The following UBAC2 variants were observed in gnomAD, a reference collection of about 807,000 sequenced individuals.
UBAC2 encodes UBA domain containing 2.
In UBAC2, 26 loss-of-function variants were observed where a neutral mutation model predicts 44.0. The ratio of observed to expected loss-of-function variants is 0.59; its 90% CI spans 0.43 to 0.82. UBAC2 has a LOEUF of 0.82. UBAC2 is among the 40% of genes least tolerant of loss of function. The probability of loss-of-function intolerance (pLI) is 0.00; values close to 1 mark genes in which losing one functional copy is unlikely to be tolerated. For missense variants in UBAC2, 329 were observed against 419.4 expected, an observed-to-expected ratio of 0.78 and a Z score of 1.88; for synonymous variants, 155 against 154.3, an observed-to-expected ratio of 1.00 and a Z score of -0.04.
chr13:99,311,239 G>A (rs547162945), intron 4 of UBAC2, among the ~76,000 whole-genome samples: 2 of 152,164 alleles, frequency 1.3e-5, no homozygotes, highest in African/African-American at 4.8e-5. Flanking sequence ...TAAGTGCTGT[G>A]GGGGAGGACA....
intron 5 of UBAC2, among the ~76,000 whole-genome samples, chr13:99,314,480 C>G (rs1366396168): frequency 6.6e-6 from 1 of 152,098 alleles, no homozygotes; most frequent in Non-Finnish European, 1.5e-5. Flanking sequence ...AAAATATTTT[C>G]ATTTCATTGT....
chr13:99,304,836 T>G (rs1044989527), intron 4 of UBAC2, among the ~76,000 whole-genome samples: 5 of 152,194 alleles, frequency 3.3e-5, no homozygotes, highest in African/African-American at 1.2e-4. Context: ...ACAATACATT[T>G]TATCTCCTAT....
At position 99,370,307 on chromosome 13, in the gene UBAC2, GAA is replaced by G. The variant is rs146486628; in HGVS notation, c.927+2403_927+2404del. 3.3e-3 allele frequency among the ~76,000 whole-genome samples: 496 copies of G among 152,310 alleles called. 5 individuals carry two copies. The highest frequency in any genetic ancestry group is 0.012 in the African/African-American group (480 of 41,570). On this transcript the variant is annotated intron_variant, in intron 8 of 8. Transcript: ENST00000403766. The stretch of plus-strand genomic sequence containing the variant: ...TGTATGTGTGACAGAGACAGAGAGA[GAA>G]AGCAGCTATGGCCAAATAACAATTG...
chr13:99,337,795 G>A (rs9517693), intron 6 of UBAC2, among the ~76,000 whole-genome samples: 20,016 of 151,966 alleles, frequency 0.13, 1,548 homozygotes, highest in East Asian at 0.32. Context: ...CTCTGTGGAG[G>A]GGAGAAAGGG....
intron 4 of UBAC2, among the ~76,000 whole-genome samples, chr13:99,297,288 C>G (rs2044190658): frequency 6.6e-6 from 1 of 151,976 alleles, no homozygotes; most frequent in South Asian, 2.1e-4. Context: ...AAAAATAATT[C>G]CTCTGATAGA....
intron 4 of UBAC2, among the ~76,000 whole-genome samples, chr13:99,302,549 C>G (rs977774469): frequency 3.9e-5 from 6 of 152,310 alleles, no homozygotes; most frequent in Admixed American, 3.9e-4. Context: ...ACAGGGGCAT[C>G]TAAATTTGGC....
rs1566470973 is a variant in UBAC2 at position 99,255,421 on chromosome 13, G to A, written c.389+10797G>A. 2 of 1,614,090 alleles carry A rather than the reference G, an allele frequency of 1.2e-6. No individual in the cohort carries two copies. Among genetic ancestry groups the A allele is most frequent in the Non-Finnish European group, 1.7e-6 (2 of 1,180,022 alleles). ...GAGCAGTAGCAGAGGGGTGGTCGTG[G>A]TCAGGGTCATTATCCAGACTCCCAC... On this transcript the variant is annotated intron_variant, in intron 4 of 8. Coordinates refer to ENST00000403766, the MANE Select transcript of UBAC2 (RefSeq NM_001144072.2).
chr13:99,222,871 A>G (rs2043065953), intron 1 of UBAC2, among the ~76,000 whole-genome samples: 2 of 152,156 alleles, frequency 1.3e-5, no homozygotes, highest in African/African-American at 2.4e-5. Context: ...TCATAACATG[A>G]GTTGGAAAGT....
chr13:99,359,135 G>A (rs2045230037), intron 7 of UBAC2, among the ~76,000 whole-genome samples: 1 of 152,200 alleles, frequency 6.6e-6, no homozygotes, highest in Non-Finnish European at 1.5e-5. Context: ...TAGAAAGAAA[G>A]CGGGATGCCA....
chr13:99,252,153 C>T (rs182162037), intron 4 of UBAC2, among the ~76,000 whole-genome samples: 30 of 152,384 alleles, frequency 2.0e-4, no homozygotes, highest in African/African-American at 6.7e-4. Flanking sequence ...TCGCTTGCTA[C>T]GCATTTGCAT....
intron 1 of UBAC2, among the ~76,000 whole-genome samples, chr13:99,232,924 A>G (rs2043192198): frequency 6.6e-6 from 1 of 152,312 alleles, no homozygotes; most frequent in Middle Eastern, 3.4e-3. Flanking sequence ...CCTGGGCAAC[A>G]CAAGGAGACC....
At chr13:99,359,726 G>A (rs963189565) in intron 7 of UBAC2, among the ~76,000 whole-genome samples, 2 of 152,194 alleles carry the variant, frequency 1.3e-5, no homozygotes, top group Admixed American at 1.3e-4. Flanking sequence ...GAAAACATTT[G>A]AAAGCCTTGG....
Position 99,281,660 on chromosome 13 carries a change from CAA to C in UBAC2, c.390-32436_390-32435del, listed in dbSNP as rs779546500. 1.0e-3 allele frequency among the ~76,000 whole-genome samples: 159 copies of C among 152,230 alleles called. 1 individual carries two copies. Among genetic ancestry groups the C allele is most frequent in the Non-Finnish European group, 2.0e-3 (136 of 68,040 alleles). On this transcript the variant is annotated intron_variant, in intron 4 of 8. Coordinates refer to ENST00000403766, the MANE Select transcript of UBAC2 (RefSeq NM_001144072.2). ...AATCATGATGTTAGAAGATACATAA[CAA>C]GAGGAAGAGGCTTTTCTTGTCTCAC...
chr13:99,214,943 A>G (rs570953625), intron 1 of UBAC2, among the ~76,000 whole-genome samples: 1 of 151,494 alleles, frequency 6.6e-6, no homozygotes, highest in African/African-American at 2.4e-5. Context: ...ACATCATTGA[A>G]ATAGAAGTCA....
In UBAC2 at chr13:99,367,403, C is replaced by A. The variant is rs2045345694; in HGVS notation, c.808-384C>A. On this transcript the variant is annotated intron_variant, in intron 7 of 8. Transcript: ENST00000403766. The stretch of plus-strand genomic sequence containing the variant: ...TCAGTGATTTAGCCTCGTCTCCATG[C>A]CTTCCTTCCTATCACACCCTGCAAA... 2.0e-5 allele frequency among the ~76,000 whole-genome samples: 3 copies of A among 152,316 alleles called. No individual in the cohort carries two copies. The South Asian group carries it at 6.2e-4, about 32-fold the overall frequency.
intron 4 of UBAC2, among the ~76,000 whole-genome samples, chr13:99,260,453 C>T (rs965638085): frequency 5.9e-5 from 9 of 152,110 alleles, no homozygotes; most frequent in African/African-American, 9.7e-5. Flanking sequence ...CTTGAGTCAG[C>T]AGGCAGGGAC....
chr13:99,267,596 G>C (rs1160239458), intron 4 of UBAC2, among the ~76,000 whole-genome samples: 1 of 152,194 alleles, frequency 6.6e-6, no homozygotes, highest in East Asian at 1.9e-4. Context: ...CTGTTCCAGA[G>C]TCTGCTCACT....
chr13:99,210,800 C>T (rs759386705), intron 1 of UBAC2, among the ~76,000 whole-genome samples: 3 of 152,018 alleles, frequency 2.0e-5, no homozygotes, highest in African/African-American at 4.8e-5. Context: ...GTAGTAGAGA[C>T]GGGGTTTCAC....
rs757854115 is a variant in UBAC2, at chr13:99,264,297, A to C, written c.389+19673A>C. Among the ~76,000 whole-genome samples the C allele has an allele frequency of 9.2e-5, 14 of 152,220 alleles. No individual in the cohort carries two copies. The East Asian group carries it at 2.7e-3, about 29-fold the overall frequency. ...CCTGTTAGCAGGAAGCCAGGGGCCC[A>C]TGAGCCTTTGCATAGAGTTTGGACC... is the stretch of plus-strand genomic sequence containing the variant. On this transcript the variant is annotated intron_variant, in intron 4 of 8. Transcript: ENST00000403766.
Sources: allele counts gnomAD v4.1 joint callset (sites outside exome capture counted in the v4.1 genomes callset), GRCh38; gene constraint gnomAD v4.1.1; transcripts MANE v1.5; gene names NCBI Gene and HGNC (gene_info 2026-07-23, HGNC 2026-07-21).